LYPD6B: variants seen among roughly 807,000 people sequenced by gnomAD.
LYPD6B encodes ly6/PLAUR domain-containing protein 6B.
Under a neutral mutation model 22.8 loss-of-function variants are expected in LYPD6B, and 17 were observed. That is an observed-to-expected ratio of 0.75 (90% CI 0.51 to 1.12). The LOEUF is 1.12. Ranked by LOEUF, LYPD6B falls within the 50% of genes most tolerant of loss-of-function variation. The pLI, the probability that LYPD6B is intolerant of heterozygous loss-of-function variation, is 0.00. For synonymous variants in LYPD6B, 106 were observed against 91.6 expected (o/e 1.16, Z -0.90); for missense variants, 221 against 258.3 (o/e 0.86, Z 0.99).
At chr2:149,120,383 A>ATATATTTTTTTTTTTTTTTTTT (rs1327065975) in intron 1 of LYPD6B, among the ~76,000 whole-genome samples, 1 of 48,618 alleles carries the variant, frequency 2.1e-5, no homozygotes, top group African/African-American at 1.1e-4. Context: ...ATATATATAT[A>ATATATTTTTTTTTTTTTTTTTT]TTTTTTTTTT....
chr2:149,178,035 A>C (rs1691445358), intron 3 of LYPD6B, among the ~76,000 whole-genome samples: 1 of 152,208 alleles, frequency 6.6e-6, no homozygotes, highest in Admixed American at 6.5e-5. Flanking sequence ...TAGAAGAGAA[A>C]ATTGAGATTC....
At position 149,214,839 on chromosome 2, in the gene LYPD6B, A is replaced by G; in HGVS notation, c.*129A>G. ...GAGTGCACATTGGACCTCAAGGCGAAAGCCAGTGGTTTGCTTGGATAAAAT... is the reference window on the plus strand; with the variant it reads ...GAGTGCACATTGGACCTCAAGGCGAGAGCCAGTGGTTTGCTTGGATAAAAT... On this transcript the variant is annotated 3_prime_UTR_variant, in exon 7 of 7. Transcript: ENST00000409642. The G allele has an allele frequency of 2.0e-6, 2 of 979,658 alleles. No homozygotes were observed. Among genetic ancestry groups the G allele is most frequent in the Non-Finnish European group, 3.1e-6 (2 of 635,286 alleles). 60.7% of individuals were successfully genotyped at this position (979,658 alleles called of 1,614,324 possible). A position where few individuals can be genotyped will look rare whatever the true frequency, so the allele number is the denominator to read the frequency against.
intron 1 of LYPD6B, among the ~76,000 whole-genome samples, chr2:149,127,785 C>G (rs1163233707): frequency 6.6e-6 from 1 of 152,142 alleles, no homozygotes; most frequent in African/African-American, 2.4e-5. Flanking sequence ...CCCCCAGTTC[C>G]TTGTCTCCTT....
chr2:149,205,175 C>CT (rs1164416814), intron 3 of LYPD6B, 78 bp from the exon 4 acceptor site: 61 of 1,453,792 alleles, frequency 4.2e-5, no homozygotes, highest in Non-Finnish European at 4.8e-5. Flanking sequence ...GATAATGGAG[C>CT]TTTCCAAACA....
At chr2:149,168,211 C>CAAAAAAAA (rs386391472) in intron 3 of LYPD6B, among the ~76,000 whole-genome samples, 1 of 48,488 alleles carries the variant, frequency 2.1e-5, no homozygotes, top group African/African-American at 7.8e-5. Flanking sequence ...GGCTCTGTCT[C>CAAAAAAAA]AAAAAAAAAA....
intron 3 of LYPD6B, among the ~76,000 whole-genome samples, chr2:149,189,367 T>TATATATATATATATATATATAC (rs1290881582): frequency 7.8e-4 from 63 of 80,960 alleles, no homozygotes; most frequent in African/African-American, 2.0e-3. Flanking sequence ...TATATATATA[T>TATATATATATATATATATATAC]ACACACACAT....
Position 149,086,470 on chromosome 2 carries a change from A to G in LYPD6B, c.-66-44413A>G, listed in dbSNP as rs571316599. Among the ~76,000 whole-genome samples the G allele has an allele frequency of 2.5e-3, 382 of 152,282 alleles. 3 individuals carry two copies. Among genetic ancestry groups the G allele is most frequent in the African/African-American group, 8.8e-3 (365 of 41,554 alleles). ...TCCCATGAGCTTCAAAGTATCACAA[A>G]GAGATAATTTTAAATCTGGTGCTAC... On this transcript the variant is annotated intron_variant, in intron 1 of 6. Transcript: ENST00000409642.
intron 2 of LYPD6B, among the ~76,000 whole-genome samples, chr2:149,149,563 A>C (rs775157271): frequency 8.5e-5 from 13 of 152,238 alleles, no homozygotes; most frequent in Non-Finnish European, 1.3e-4. Context: ...CAAAGGAAGT[A>C]CCTGCCTTTG....
intron 3 of LYPD6B, among the ~76,000 whole-genome samples, chr2:149,197,651 G>GAAAAA (rs1436222374): frequency 1.3e-5 from 2 of 152,220 alleles, no homozygotes; most frequent in Non-Finnish European, 2.9e-5. Flanking sequence ...GTATCAGGAA[G>GAAAAA]AGTTATCTTT....
intron 1 of LYPD6B, chr2:149,101,600 G>A (rs1053364156): frequency 2.6e-5 from 4 of 152,386 alleles, no homozygotes; most frequent in Non-Finnish European, 5.9e-5. Flanking sequence ...TTGGCCTGGA[G>A]CAAGGGAGGC....
At chr2:149,146,731 A>G (rs1689050930) in intron 2 of LYPD6B, among the ~76,000 whole-genome samples, 1 of 151,730 alleles carries the variant, frequency 6.6e-6, no homozygotes, top group African/African-American at 2.4e-5. Context: ...AACAACCCCA[A>G]GGATGTGTGA....
rs144101822 is a variant in LYPD6B at position 149,160,922 on chromosome 2, G to A, written c.77+87G>A. On this transcript the variant is annotated intron_variant, in intron 3 of 6. Transcript: ENST00000409642. Reference sequence around the variant, plus strand: ...TTGGGAATGGACTCCTGAAAGTCCCGGGACCCTGTGTTTTTCCCATCTCCT... The same window carrying A: ...TTGGGAATGGACTCCTGAAAGTCCCAGGACCCTGTGTTTTTCCCATCTCCT... 8.2e-3 allele frequency: 7,976 copies of A among 974,740 alleles called. 46 individuals are homozygous for A. Among genetic ancestry groups the A allele is most frequent in the East Asian group, 0.01 (395 of 38,286 alleles). The allele number at this position is 974,740 out of a possible 1,614,324, so 60.4% of individuals were successfully genotyped here.
chr2:149,203,955 C>T (rs887124798), intron 3 of LYPD6B, among the ~76,000 whole-genome samples: 1 of 152,188 alleles, frequency 6.6e-6, no homozygotes, highest in Non-Finnish European at 1.5e-5. Context: ...TGGGTTCAAA[C>T]AAAACGTGCA....
chr2:149,165,686 G>A (rs374766719), intron 3 of LYPD6B, among the ~76,000 whole-genome samples: 7 of 152,248 alleles, frequency 4.6e-5, no homozygotes, highest in South Asian at 2.1e-4. Flanking sequence ...GGCACAGAGC[G>A]GTTAAGCAAC....
intron 5 of LYPD6B, among the ~76,000 whole-genome samples, chr2:149,210,067 G>A (rs190407312): frequency 6.6e-6 from 1 of 152,108 alleles, no homozygotes; most frequent in Non-Finnish European, 1.5e-5. Flanking sequence ...AGTAAACTGC[G>A]GCACTGATGT....
At chr2:149,092,114 C>A (rs559709904) in intron 1 of LYPD6B, among the ~76,000 whole-genome samples, 2 of 151,772 alleles carry the variant, frequency 1.3e-5, no homozygotes, top group East Asian at 3.9e-4. Context: ...GAGTAGAGGT[C>A]TTAATATGTG....
At chr2:149,211,776 G>A (rs563790084) in intron 5 of LYPD6B, among the ~76,000 whole-genome samples, 94 of 152,194 alleles carry the variant, frequency 6.2e-4, no homozygotes, top group African/African-American at 2.1e-3. Context: ...TCTCTGATCA[G>A]TAAACTAAGA....
intron 2 of LYPD6B, among the ~76,000 whole-genome samples, chr2:149,154,716 T>A (rs1044881027): frequency 6.6e-6 from 1 of 151,878 alleles, no homozygotes; most frequent in Non-Finnish European, 1.5e-5. Context: ...GGCGGAGTGG[T>A]GTTATTGAAA....
Position 149,122,189 on chromosome 2 carries a change from C to T in LYPD6B, c.-66-8694C>T, listed in dbSNP as rs561668910. ...TGAAAACTGGGTCACAGTGGGAGAG[C>T]TGGGAGCTCCCGAAAGAGCACTCAG... On this transcript the variant is annotated intron_variant, in intron 1 of 6. Transcript: ENST00000409642. Among the ~76,000 whole-genome samples the T allele has an allele frequency of 6.6e-5, 10 of 152,196 alleles. No individual in the cohort carries two copies. The East Asian group carries it at 1.7e-3, about 26-fold the overall frequency.
Sources: allele counts gnomAD v4.1 joint callset (sites outside exome capture counted in the v4.1 genomes callset), GRCh38; gene constraint gnomAD v4.1.1; transcripts MANE v1.5; gene names NCBI Gene and HGNC (gene_info 2026-07-23, HGNC 2026-07-21).